The following HPSE2 variants were observed in gnomAD, a reference collection of about 807,000 sequenced individuals.
The protein encoded by HPSE2 is inactive heparanase-2.
HPSE2 carries 38 observed loss-of-function variants against 60.5 expected under a neutral mutation model. The ratio of observed to expected loss-of-function variants is 0.63; its 90% CI spans 0.48 to 0.82. HPSE2 has a LOEUF of 0.82. Among genes scored for constraint, HPSE2 ranks in the 40% least tolerant of loss-of-function variants. The pLI, the probability that HPSE2 is intolerant of heterozygous loss-of-function variation, is 0.00. For missense variants in HPSE2, 713 were observed against 740.4 expected (o/e 0.96, Z 0.43); for synonymous variants, 295 against 293.2 (o/e 1.01, Z -0.06).
chr10:98,812,270 A>C (rs1171894231), intron 3 of HPSE2, among the ~76,000 whole-genome samples: 8 of 152,212 alleles, frequency 5.3e-5, no homozygotes, highest in Non-Finnish European at 1.0e-4. Context: ...GGAGTTACCC[A>C]TAAGAGATTA....
At chr10:98,802,184 G>A (rs1174682364) in intron 3 of HPSE2, among the ~76,000 whole-genome samples, 1 of 151,918 alleles carries the variant, frequency 6.6e-6, no homozygotes, top group African/African-American at 2.4e-5. Context: ...AATCAAAATG[G>A]ATTAAAGACT....
chr10:98,500,289 A>C (rs1458620422), intron 9 of HPSE2, among the ~76,000 whole-genome samples: 1 of 152,184 alleles, frequency 6.6e-6, no homozygotes, highest in Non-Finnish European at 1.5e-5. Context: ...AATGAATCTC[A>C]ATAAACTTAA....
intron 3 of HPSE2, among the ~76,000 whole-genome samples, chr10:99,050,449 T>C (rs1201726990): frequency 1.3e-5 from 2 of 152,084 alleles, no homozygotes; most frequent in Admixed American, 6.6e-5. Context: ...AAACTGAAGA[T>C]AGAACTACCA....
intron 3 of HPSE2, among the ~76,000 whole-genome samples, chr10:99,099,179 T>A (rs1357967487): frequency 6.6e-6 from 1 of 152,092 alleles, no homozygotes; most frequent in Non-Finnish European, 1.5e-5. Context: ...GAGTGTGAGC[T>A]GAAGCAGCGC....
chr10:98,721,539 C>G lies in HPSE2; in HGVS notation c.956+118G>C, dbSNP rs535435500. ...GGTGAAGCCACTATGGAAAGAGTCC[C>G]TCCTTTTTTCTTAAGACCAAAATAA... On this transcript the variant is annotated intron_variant, in intron 5 of 11. Transcript: ENST00000370552. The G allele has an allele frequency of 1.3e-5, 13 of 1,001,870 alleles. No homozygotes were observed. In the East Asian group the frequency reaches 3.2e-4, roughly 25 times the overall value. The allele number at this position is 1,001,870 out of a possible 1,614,324, so 62.1% of individuals were successfully genotyped here.
intron 3 of HPSE2, among the ~76,000 whole-genome samples, chr10:99,023,927 G>A (rs1347990509): frequency 2.6e-5 from 4 of 152,198 alleles, no homozygotes; most frequent in Non-Finnish European, 5.9e-5. Context: ...TCTTCACTGT[G>A]CACACACCAA....
intron 3 of HPSE2, among the ~76,000 whole-genome samples, chr10:98,935,606 C>T (rs1380468879): frequency 2.8e-5 from 4 of 144,336 alleles, no homozygotes; most frequent in African/African-American, 1.1e-4. Context: ...GCCAGGGTAT[C>T]ACCAGTGAAG....
At chr10:99,151,386 G>A (rs1470595669) in intron 2 of HPSE2, among the ~76,000 whole-genome samples, 1 of 152,048 alleles carries the variant, frequency 6.6e-6, no homozygotes, top group Non-Finnish European at 1.5e-5. Context: ...TATGCATAAC[G>A]GGAGTCCTAC....
chr10:99,134,076 T>C (rs1383018625), intron 3 of HPSE2, among the ~76,000 whole-genome samples: 1 of 152,176 alleles, frequency 6.6e-6, no homozygotes, highest in Non-Finnish European at 1.5e-5. Context: ...TCGTGAAGCA[T>C]ACACAAGTTT....
At chr10:98,701,433 T>G (rs1347563422) in intron 5 of HPSE2, among the ~76,000 whole-genome samples, 2 of 140,476 alleles carry the variant, frequency 1.4e-5, no homozygotes, top group Non-Finnish European at 1.5e-5. Flanking sequence ...AGGTGGGAAC[T>G]GAACAATGAG....
intron 3 of HPSE2, among the ~76,000 whole-genome samples, chr10:99,133,607 G>A (rs755478328): frequency 6.6e-6 from 1 of 152,192 alleles, no homozygotes; most frequent in Non-Finnish European, 1.5e-5. Context: ...ACAGTCAGGA[G>A]TGGGCCTCCA....
intron 3 of HPSE2, among the ~76,000 whole-genome samples, chr10:98,844,456 T>G (rs1762280125): frequency 6.6e-6 from 1 of 152,230 alleles, no homozygotes. Context: ...AACCATAATT[T>G]CTTGGAACTA....
rs1009634896 is a variant in HPSE2, at chr10:98,941,603, T to C, written c.611-197547A>G. On this transcript the variant is annotated intron_variant, in intron 3 of 11. Coordinates refer to ENST00000370552, the MANE Select transcript of HPSE2 (RefSeq NM_021828.5). The stretch of plus-strand genomic sequence containing the variant: ...GAGGATACAAACAAATGGAAGAACA[T>C]TCCATGCTCATGGATAGGAAGAATC... 2.1e-5 allele frequency among the ~76,000 whole-genome samples: 3 copies of C among 139,918 alleles called. 1 individual carries two copies. Among genetic ancestry groups the C allele is most frequent in the African/African-American group, 8.9e-5 (3 of 33,588 alleles). The allele number at this position is 139,918 out of a possible 152,430, so 91.8% of individuals were successfully genotyped here. A position where few individuals can be genotyped will look rare whatever the true frequency, so the allele number is the denominator to read the frequency against.
At chr10:98,735,487 T>C (rs1392442410) in intron 4 of HPSE2, among the ~76,000 whole-genome samples, 2 of 151,716 alleles carry the variant, frequency 1.3e-5, no homozygotes, top group Non-Finnish European at 2.9e-5. Flanking sequence ...GAGTCCCCAC[T>C]GGGGCACTGC....
At chr10:98,835,863 G>A (rs540179150) in intron 3 of HPSE2, among the ~76,000 whole-genome samples, 4 of 152,238 alleles carry the variant, frequency 2.6e-5, no homozygotes, top group Admixed American at 2.6e-4. Context: ...AAATTTATGG[G>A]AGGCCATTGT....
At chr10:98,475,448 T>C (rs527378495) in intron 11 of HPSE2, among the ~76,000 whole-genome samples, 64 of 146,724 alleles carry the variant, frequency 4.4e-4, no homozygotes, top group Non-Finnish European at 8.0e-4. Context: ...AAATTTTAGT[T>C]AGTCATTGCA....
chr10:98,703,133 T>C (rs1011565352), intron 5 of HPSE2, among the ~76,000 whole-genome samples: 3 of 152,090 alleles, frequency 2.0e-5, no homozygotes, highest in African/African-American at 7.2e-5. Flanking sequence ...AAATACAAAC[T>C]ACCATCAGAA....
At chr10:98,963,164 A>C (rs1180061391) in intron 3 of HPSE2, among the ~76,000 whole-genome samples, 3 of 152,178 alleles carry the variant, frequency 2.0e-5, no homozygotes, top group Non-Finnish European at 4.4e-5. Flanking sequence ...ATCAATATGT[A>C]CTTTCTGACC....
the HPSE2 span, among the ~76,000 whole-genome samples, chr10:99,287,818 T>G: frequency 6.6e-6 from 1 of 152,196 alleles, no homozygotes; most frequent in Non-Finnish European, 1.5e-5. Flanking sequence ...TGCTTATCTT[T>G]AATAACTGGT....
Sources: allele counts gnomAD v4.1 joint callset (sites outside exome capture counted in the v4.1 genomes callset), GRCh38; gene constraint gnomAD v4.1.1; transcripts MANE v1.5; gene names NCBI Gene and HGNC (gene_info 2026-07-23, HGNC 2026-07-21).